OVCH2: variants seen among roughly 807,000 people sequenced by gnomAD.
The protein encoded by OVCH2 is ovochymase-2.
In OVCH2, 88 loss-of-function variants were observed where a neutral mutation model predicts 73.7. The ratio of observed to expected loss-of-function variants is 1.19; its 90% CI spans 1.01 to 1.43. The LOEUF is 1.43. Among genes scored for constraint, OVCH2 ranks in the 40% most tolerant of loss-of-function variants. The probability of loss-of-function intolerance (pLI) is 0.00; values close to 1 mark genes in which losing one functional copy is unlikely to be tolerated. For synonymous variants in OVCH2, 265 were observed against 234.5 expected, an observed-to-expected ratio of 1.13 and a Z score of -1.19; for missense variants, 706 against 674.5, an observed-to-expected ratio of 1.05 and a Z score of -0.52.
chr11:7,689,568 T>C lies in OVCH2; in HGVS notation c.*66A>G, dbSNP rs1856180888. ...TGCCCCAAGCCTCTCCTCTAGCTTC[T>C]GGTGGTTTACTGACAGTCACTGGTG... On this transcript the variant is annotated 3_prime_UTR_variant, in exon 16 of 16. Coordinates refer to ENST00000533663, the MANE Select transcript of OVCH2 (RefSeq NM_198185.7). The C allele has an allele frequency of 2.2e-6, 1 of 461,386 alleles. No individual in the cohort carries two copies. The highest frequency in any genetic ancestry group is 4.3e-6 in the Non-Finnish European group (1 of 230,642). The allele number at this position is 461,386 out of a possible 1,614,324, so 28.6% of individuals were successfully genotyped here. A position where few individuals can be genotyped will look rare whatever the true frequency, so the allele number is the denominator to read the frequency against.
At chr11:7,701,190 G>A in intron 6 of OVCH2, 134 bp downstream of exon 6, 2 of 1,184,148 alleles carry the variant, frequency 1.7e-6, no homozygotes, top group South Asian at 3.4e-5. Flanking sequence ...GCTTCTTCAA[G>A]ACTATTCTTT....
At chr11:7,701,847 A>T in intron 4 of OVCH2, 36 bp from the exon 5 acceptor site, 2 of 1,546,952 alleles carry the variant, frequency 1.3e-6, no homozygotes, top group Non-Finnish European at 1.8e-6. Context: ...TGTCTCATTC[A>T]TGGAGGAGAG....
the OVCH2 span, among the ~76,000 whole-genome samples, chr11:7,680,547 A>C: frequency 6.6e-6 from 1 of 152,192 alleles, no homozygotes; most frequent in African/African-American, 2.4e-5. Context: ...GTGCCATAAC[A>C]GAAGCAGCGA....
In OVCH2 at chr11:7,704,603, C is replaced by T. The variant is rs1856499927; in HGVS notation, c.160G>A (p.Gly54Arg). 1 of 1,612,736 alleles carries T rather than the reference C, an allele frequency of 6.2e-7. No individual in the cohort carries two copies. Among genetic ancestry groups the T allele is most frequent in the Non-Finnish European group, 8.5e-7 (1 of 1,179,386 alleles). The change falls in exon 2 of 16, where the codon GGA becomes AGA. Residue 54 changes from glycine to arginine, a missense_variant. Transcript: ENST00000533663. Reference sequence around the variant, plus strand: ...GAACCCTTCTCCACTTGGCTTCCTCCAAGAATGCGACTGAAAATGTTAAAA... The same window carrying T: ...GAACCCTTCTCCACTTGGCTTCCTCTAAGAATGCGACTGAAAATGTTAAAA... ...NYFNIFSRIL[G>R]GSQVEKGSYP...
Position 7,696,798 on chromosome 11 carries a change from G to A in OVCH2, c.927C>T (p.Ala309=). The A allele has an allele frequency of 6.2e-7, 1 of 1,606,348 alleles. No homozygotes were observed. The highest frequency in any genetic ancestry group is 8.5e-7 in the Non-Finnish European group (1 of 1,176,446). ...QTGNRRKSSR[A]WCSEQDVIVS... is the part of the protein sequence containing the mutation. Reference sequence around the variant, plus strand: ...CTATGACATCCTGCTCACTGCACCAGGCTGGGAGGGAAAGCCAGGAGAGTC... The same window carrying A: ...CTATGACATCCTGCTCACTGCACCAAGCTGGGAGGGAAAGCCAGGAGAGTC... Residue 309 remains alanine, a splice_region_variant and synonymous_variant, in exon 9 of 16, where the codon GCC becomes GCT. Coordinates refer to ENST00000533663, the MANE Select transcript of OVCH2 (RefSeq NM_198185.7).
In OVCH2 at chr11:7,695,701, C is replaced by A. The variant is rs757340065; in HGVS notation, c.1151G>T (p.Cys384Phe). Reference protein sequence around the residue: ...SLEDRPIGKFCGESLPSSILI... With the variant: ...SLEDRPIGKFFGESLPSSILI... ...AATGGATGAAGGGAGGCTTTCTCCA[C>A]AAAATTTTCCTGCAGGATGAGAAAA... is the stretch of plus-strand genomic sequence containing the variant. The change falls in exon 11 of 16, where the codon TGT becomes TTT. Residue 384 changes from cysteine (C) to phenylalanine (F), a missense_variant. Physicochemically the swap from Cys to Phe is radical, Grantham distance 205. Transcript: ENST00000533663. 6.3e-7 allele frequency: 1 copy of A among 1,586,142 alleles called. No homozygotes were observed. The highest frequency in any genetic ancestry group is 8.5e-7 in the Non-Finnish European group (1 of 1,177,314).
intron 14 of OVCH2, among the ~76,000 whole-genome samples, chr11:7,690,346 T>A (rs1856197699): frequency 6.6e-6 from 1 of 152,210 alleles, no homozygotes; most frequent in Admixed American, 6.5e-5. Context: ...AGATATTTCA[T>A]GTTTCTATGT....
chr11:7,690,247 T>G (rs1856196061), intron 14 of OVCH2, among the ~76,000 whole-genome samples: 1 of 152,202 alleles, frequency 6.6e-6, no homozygotes, highest in South Asian at 2.1e-4. Flanking sequence ...TAATTGGCTT[T>G]GTGGGGTTTG....
At chr11:7,689,001 A>T (rs971430374), downstream of OVCH2, among the ~76,000 whole-genome samples, 1 of 152,214 alleles carries the variant, frequency 6.6e-6, no homozygotes, top group Non-Finnish European at 1.5e-5. Flanking sequence ...CTTTGAGCAA[A>T]AGGAACAGTG....
chr11:7,693,466 G>A (rs561634233), intron 12 of OVCH2, among the ~76,000 whole-genome samples: 85 of 152,120 alleles, frequency 5.6e-4, no homozygotes, highest in Non-Finnish European at 1.0e-3. Context: ...TGCTGTCACT[G>A]GCAGAGTATG....
downstream of OVCH2, among the ~76,000 whole-genome samples, chr11:7,687,607 G>A (rs1025657063): frequency 6.6e-6 from 1 of 152,022 alleles, no homozygotes; most frequent in African/African-American, 2.4e-5. Context: ...GACTCACTGA[G>A]GTTACCTACA....
At chr11:7,701,969 C>G (rs1856448554) in intron 4 of OVCH2, among the ~76,000 whole-genome samples, 158 bp from the exon 5 acceptor site, 1 of 152,192 alleles carries the variant, frequency 6.6e-6, no homozygotes, top group Admixed American at 6.5e-5. Flanking sequence ...TTAAAGAAAA[C>G]CTTCTCCTGA....
chr11:7,694,335 C>A (rs1490204550), intron 12 of OVCH2, among the ~76,000 whole-genome samples: 1 of 152,052 alleles, frequency 6.6e-6, no homozygotes, highest in Admixed American at 6.6e-5. Context: ...CATTTCCAGG[C>A]GTTCAAAGGC....
intron 3 of OVCH2, among the ~76,000 whole-genome samples, chr11:7,702,566 A>C (rs1401788540): frequency 6.6e-6 from 1 of 152,218 alleles, no homozygotes; most frequent in Non-Finnish European, 1.5e-5. Context: ...TGATGAATTT[A>C]ATACTTTGCA....
chr11:7,685,068 G>A (rs560505592), downstream of OVCH2, among the ~76,000 whole-genome samples: 1 of 152,212 alleles, frequency 6.6e-6, no homozygotes, highest in Non-Finnish European at 1.5e-5. Context: ...AAGCAGAGAG[G>A]CATTCTTTCT....
rs751831750 is a variant in OVCH2, at chr11:7,704,545, T to C, written c.198+20A>G. On this transcript the variant is annotated intron_variant, in intron 2 of 15. Coordinates refer to ENST00000533663, the MANE Select transcript of OVCH2 (RefSeq NM_198185.7). ...AATATCTAGCACAGTTCTTGATGCA[T>C]AGAAGTCCTTGAGACTCACCTGCCA... is the stretch of plus-strand genomic sequence containing the variant. 17 of 1,512,670 alleles carry C rather than the reference T, an allele frequency of 1.1e-5. No homozygotes were observed. Among genetic ancestry groups the C allele is most frequent in the East Asian group, 2.3e-5 (1 of 44,150 alleles). The allele number at this position is 1,512,670 out of a possible 1,614,324, so 93.7% of individuals were successfully genotyped here.
chr11:7,695,527 C>T, intron 11 of OVCH2, 43 bp downstream of exon 11: 1 of 1,561,780 alleles, frequency 6.4e-7, no homozygotes. Flanking sequence ...TAAGCTTCTA[C>T]AGAAGGTGGA....
At chr11:7,691,762 A>G in intron 13 of OVCH2, 140 bp downstream of exon 13, 1 of 649,042 alleles carries the variant, frequency 1.5e-6, no homozygotes, top group Non-Finnish European at 2.6e-6. Context: ...AAGAAGACAA[A>G]GGAGTGATGG....
At position 7,691,982 on chromosome 11, in the gene OVCH2, C is replaced by G; in HGVS notation, c.1427G>C (p.Ser476Thr). The G allele has an allele frequency of 5.7e-6, 9 of 1,569,830 alleles. No homozygotes were observed. The highest frequency in any genetic ancestry group is 7.8e-6 in the Non-Finnish European group (9 of 1,155,838). ...GTCTCCACTTTCTTCTATTTCCAGA[C>G]TCTGAAATGAAAGCTGAGAAGACAC... is the stretch of plus-strand genomic sequence containing the variant. ...KHHLIKLSFQ[S>T]LEIEESGDCT... is the part of the protein sequence containing the mutation. The change falls in exon 13 of 16, where the codon AGT (serine) becomes ACT (threonine). Residue 476 changes from serine (S) to threonine (T), a missense_variant. Physicochemically the swap from Ser to Thr is moderately conservative, Grantham distance 58. Coordinates refer to ENST00000533663, the MANE Select transcript of OVCH2 (RefSeq NM_198185.7).
Sources: gnomAD v4.1 joint callset for allele counts (sites outside exome capture counted in the v4.1 genomes callset) on GRCh38, gnomAD v4.1.1 for gene constraint, MANE v1.5 for transcripts, NCBI Gene and HGNC (gene_info 2026-07-23, HGNC 2026-07-21) for gene names.